The following ETS1 variants were observed in gnomAD, a reference collection of about 807,000 sequenced individuals.
ETS1 encodes protein C-ets-1.
A neutral mutation model predicts 58.6 loss-of-function variants in ETS1; 15 were observed. The observed-to-expected ratio is 0.26, with a 90% CI of 0.17 to 0.39. ETS1 has a LOEUF of 0.39. ETS1 is among the 10% of genes least tolerant of loss of function. The probability of loss-of-function intolerance (pLI) is 1.00; values close to 1 mark genes in which losing one functional copy is unlikely to be tolerated. For synonymous variants in ETS1, 214 were observed against 218.2 expected, an observed-to-expected ratio of 0.98 and a Z score of 0.17; for missense variants, 417 against 610.5, an observed-to-expected ratio of 0.68 and a Z score of 3.34.
chr11:128,547,038 G>C (rs1326913208), intron 3 of ETS1, among the ~76,000 whole-genome samples: 2 of 152,168 alleles, frequency 1.3e-5, no homozygotes, highest in East Asian at 3.8e-4. Context: ...AAAAAGGAGA[G>C]ATCTGGCTAG....
chr11:128,534,372 T>C (rs1401339030), intron 3 of ETS1, among the ~76,000 whole-genome samples: 1 of 152,210 alleles, frequency 6.6e-6, no homozygotes, highest in Non-Finnish European at 1.5e-5. Flanking sequence ...CATGAAATGC[T>C]CATAGACCTC....
chr11:128,537,816 G>A (rs1863993919), intron 3 of ETS1, among the ~76,000 whole-genome samples: 1 of 152,034 alleles, frequency 6.6e-6, no homozygotes, highest in Admixed American at 6.6e-5. Flanking sequence ...TACATTCTGG[G>A]AAATATTCCA....
At chr11:128,529,668 A>G (rs1262290033) in intron 3 of ETS1, among the ~76,000 whole-genome samples, 3 of 152,208 alleles carry the variant, frequency 2.0e-5, no homozygotes, top group Non-Finnish European at 4.4e-5. Context: ...CCAGTTCCGT[A>G]TAAGAGCCCC....
intron 2 of ETS1, among the ~76,000 whole-genome samples, chr11:128,558,346 G>C (rs1177787527): frequency 1.3e-5 from 2 of 152,158 alleles, no homozygotes; most frequent in African/African-American, 2.4e-5. Context: ...CTGAGCATCA[G>C]TCAGAAAATG....
At chr11:128,579,912 C>A (rs1864830818) in intron 1 of ETS1, among the ~76,000 whole-genome samples, 5 of 151,846 alleles carry the variant, frequency 3.3e-5, no homozygotes, top group Non-Finnish European at 7.4e-5. Context: ...ATTGCATGGA[C>A]CTCCTTGATG....
At chr11:128,521,769 C>T in intron 3 of ETS1, 1 of 595,300 alleles carries the variant, frequency 1.7e-6, no homozygotes, top group South Asian at 2.3e-5. Flanking sequence ...TCCTCCTCGT[C>T]CTCCAGATCC....
At position 128,573,158 on chromosome 11, in the gene ETS1, G is replaced by A. The variant is rs537186264; in HGVS notation, c.-14-14C>T. 5.8e-6 allele frequency: 9 copies of A among 1,549,406 alleles called. No individual in the cohort carries two copies. Among genetic ancestry groups the A allele is most frequent in the Non-Finnish European group, 6.1e-6 (7 of 1,140,470 alleles). On this transcript the variant is annotated splice_polypyrimidine_tract_variant and intron_variant, in intron 1 of 9. Coordinates refer to ENST00000392668, the MANE Select transcript of ETS1 (RefSeq NM_001143820.2). Reference sequence around the variant, plus strand: ...TGCTCTCAGCACCTGTGTGAGAGAAGGCGTTGGCTGAGCCTCTGGATGCTC... The same window carrying A: ...TGCTCTCAGCACCTGTGTGAGAGAAAGCGTTGGCTGAGCCTCTGGATGCTC...
chr11:128,486,204 T>C (rs1862628114), intron 5 of ETS1, 58 bp from the exon 6 acceptor site: 2 of 1,093,528 alleles, frequency 1.8e-6, no homozygotes, highest in African/African-American at 3.1e-5. Context: ...ATGCTTGGCC[T>C]AAAAGGATCT....
chr11:128,556,067 C>A (rs576269060), intron 3 of ETS1, among the ~76,000 whole-genome samples: 1 of 152,186 alleles, frequency 6.6e-6, no homozygotes, highest in South Asian at 2.1e-4. Flanking sequence ...AAGGTGAAGA[C>A]CTAAAGCAAC....
chr11:128,564,965 A>G (rs1027513019), intron 2 of ETS1, among the ~76,000 whole-genome samples: 1 of 151,564 alleles, frequency 6.6e-6, no homozygotes, highest in Non-Finnish European at 1.5e-5. Context: ...CTAATTTTTC[A>G]TAAACAAGGC....
At chr11:128,499,425 T>A (rs1863027661) in intron 3 of ETS1, among the ~76,000 whole-genome samples, 1 of 86,332 alleles carries the variant, frequency 1.2e-5, no homozygotes, top group African/African-American at 3.8e-5. Flanking sequence ...CAAGCACTTG[T>A]AGTTATTATC....
In ETS1 at chr11:128,463,351, C is replaced by A. The variant is rs1198374587; in HGVS notation, c.1242+158G>T. Among the ~76,000 whole-genome samples the A allele has an allele frequency of 6.6e-6, 1 of 152,134 alleles. No individual in the cohort carries two copies. Among genetic ancestry groups the A allele is most frequent in the Non-Finnish European group, 1.5e-5 (1 of 68,024 alleles). On this transcript the variant is annotated intron_variant, in intron 9 of 9. Coordinates refer to ENST00000392668, the MANE Select transcript of ETS1 (RefSeq NM_001143820.2). This position sits in a 1 kb window ranked among gnomAD's most constrained non-coding sequence, Gnocchi z 4.1. ...TTTTCTCTATTTTCCAAATAATGAA[C>A]CTGGAGCTCAGACAGGCTACCTAGC...
Position 128,584,938 on chromosome 11 carries a change from AAAAGAAAGAAAGAAAGAAAGAAAG to A in ETS1, c.-15+2526_-15+2549del, listed in dbSNP as rs765433081. Among the ~76,000 whole-genome samples, 15 of 62,562 alleles carry A rather than the reference AAAAGAAAGAAAGAAAGAAAGAAAG, an allele frequency of 2.4e-4. 1 individual carries two copies. The highest frequency in any genetic ancestry group is 9.2e-4 in the African/African-American group (15 of 16,262). 41.0% of individuals were successfully genotyped at this position (62,562 alleles called of 152,430 possible). ...AGAAAGAAAGAGGAAGAAAAAAGAGAAAAGAAAGAAAGAAAGAAAGAAAGAAAGAAAGAAAGAAAGAAAGAAAGA... is the reference window on the plus strand; with the variant it reads ...AGAAAGAAAGAGGAAGAAAAAAGAGAAAAGAAAGAAAGAAAGAAAGAAAGA... On this transcript the variant is annotated intron_variant, in intron 1 of 9. Transcript: ENST00000392668.
chr11:128,521,917 G>A, intron 3 of ETS1: 1 of 1,598,900 alleles, frequency 6.3e-7, no homozygotes, highest in Non-Finnish European at 8.5e-7. Context: ...ACTCACCCGG[G>A]GAGGGGAAAA....
At chr11:128,537,469 T>C (rs536154345) in intron 3 of ETS1, among the ~76,000 whole-genome samples, 1 of 152,208 alleles carries the variant, frequency 6.6e-6, no homozygotes, top group Admixed American at 6.5e-5. Context: ...AGTTCAAGTA[T>C]GAACTGGAGG....
chr11:128,573,876 A>G (rs1332978053), intron 1 of ETS1, among the ~76,000 whole-genome samples: 1 of 152,220 alleles, frequency 6.6e-6, no homozygotes, highest in Non-Finnish European at 1.5e-5. Context: ...CATAAACTTA[A>G]TACTATGCAT....
intron 3 of ETS1, among the ~76,000 whole-genome samples, chr11:128,550,296 T>G (rs542063207): frequency 1.7e-4 from 26 of 152,310 alleles, no homozygotes; most frequent in African/African-American, 6.0e-4. Flanking sequence ...TATGAAATAG[T>G]ACCAGCTCAA....
chr11:128,555,522 A>G (rs1403272382), intron 3 of ETS1, among the ~76,000 whole-genome samples: 3 of 152,246 alleles, frequency 2.0e-5, no homozygotes, highest in Admixed American at 2.0e-4. Flanking sequence ...CAAATATGTT[A>G]TCATAACATG....
At chr11:128,519,450 A>T (rs1248393568) in intron 3 of ETS1, among the ~76,000 whole-genome samples, 26 of 152,242 alleles carry the variant, frequency 1.7e-4, no homozygotes, top group Admixed American at 1.7e-3. Context: ...AACCCAAAGA[A>T]ATCATTCTGA....
Sources: allele counts gnomAD v4.1 joint callset (sites outside exome capture counted in the v4.1 genomes callset), GRCh38; gene constraint gnomAD v4.1.1; non-coding constraint Gnocchi (gnomAD v3.1); transcripts MANE v1.5; gene names NCBI Gene and HGNC (gene_info 2026-07-23, HGNC 2026-07-21).